The following WDR76 variants were observed in gnomAD, a reference collection of about 807,000 sequenced individuals.
WDR76 encodes WD repeat-containing protein 76.
A neutral mutation model predicts 70.2 loss-of-function variants in WDR76; 52 were observed. The ratio of observed to expected loss-of-function variants is 0.74; its 90% CI spans 0.59 to 0.93. The LOEUF (loss-of-function observed/expected upper bound fraction) is 0.93. WDR76 is among the 40% of genes least tolerant of loss of function. The probability of loss-of-function intolerance (pLI) is 0.00; values close to 1 mark genes in which losing one functional copy is unlikely to be tolerated. For synonymous variants in WDR76, 292 were observed against 271.1 expected, an observed-to-expected ratio of 1.08 and a Z score of -0.76; for missense variants, 756 against 760.2, an observed-to-expected ratio of 0.99 and a Z score of 0.07.
At chr15:43,843,778 A>G in intron 7 of WDR76, 123 bp from the exon 8 acceptor site, 1 of 843,552 alleles carries the variant, frequency 1.2e-6, no homozygotes, top group Non-Finnish European at 1.7e-6. Context: ...CTTGGTTACC[A>G]GGAGATTGAA....
At chr15:43,865,175 A>G (rs1321099800) in intron 12 of WDR76, among the ~76,000 whole-genome samples, 1 of 141,854 alleles carries the variant, frequency 7.0e-6, no homozygotes, top group African/African-American at 2.8e-5. Context: ...GGCTCACTGT[A>G]GCCTCCATCT....
At chr15:43,843,743 A>G (rs2087753575) in intron 7 of WDR76, among the ~76,000 whole-genome samples, 158 bp from the exon 8 acceptor site, 1 of 152,214 alleles carries the variant, frequency 6.6e-6, no homozygotes, top group Non-Finnish European at 1.5e-5. Context: ...TTAAAAAGTG[A>G]AAGAATATTG....
intron 2 of WDR76, among the ~76,000 whole-genome samples, chr15:43,829,356 C>A (rs1021728944): frequency 6.6e-6 from 1 of 152,050 alleles, no homozygotes; most frequent in Non-Finnish European, 1.5e-5. Context: ...AAGGGAGATA[C>A]TATAATTGAA....
At chr15:43,850,898 A>G (rs2087849539) in intron 8 of WDR76, among the ~76,000 whole-genome samples, 189 bp from the exon 9 acceptor site, 1 of 152,238 alleles carries the variant, frequency 6.6e-6, no homozygotes, top group Non-Finnish European at 1.5e-5. Flanking sequence ...ATTGAAAACT[A>G]GAAAAAAGTT....
rs1189893202 is a variant in WDR76, at chr15:43,868,225, G to C, written c.*1833G>C. On this transcript the variant is annotated 3_prime_UTR_variant, in exon 13 of 13. Coordinates refer to ENST00000263795, the MANE Select transcript of WDR76 (RefSeq NM_024908.4). ...TTCAGGAAACATCGTAAAGGCTTTA[G>C]GCTCCCTTTTTCATTTCTATACCAA... 2 of 152,152 alleles carry C rather than the reference G, an allele frequency of 1.3e-5. No individual in the cohort carries two copies. Among genetic ancestry groups the C allele is most frequent in the Non-Finnish European group, 2.9e-5 (2 of 68,016 alleles). The allele number at this position is 152,152 out of a possible 1,614,324, so 9.4% of individuals were successfully genotyped here. A position where few individuals can be genotyped will look rare whatever the true frequency, so the allele number is the denominator to read the frequency against.
At position 43,867,512 on chromosome 15, in the gene WDR76, A is replaced by G. The variant is rs2088088781; in HGVS notation, c.*1120A>G. ...TTTGGTAAAACTTAGTTACATATGCATATATATTTGTTAGGTATATATGTT... is the reference window on the plus strand; with the variant it reads ...TTTGGTAAAACTTAGTTACATATGCGTATATATTTGTTAGGTATATATGTT... On this transcript the variant is annotated 3_prime_UTR_variant, in exon 13 of 13. Transcript: ENST00000263795. 1 of 151,860 alleles carries G rather than the reference A, an allele frequency of 6.6e-6. No homozygotes were observed. Among genetic ancestry groups the G allele is most frequent in the African/African-American group, 2.4e-5 (1 of 41,284 alleles). The allele number at this position is 151,860 out of a possible 1,614,324, so 9.4% of individuals were successfully genotyped here. A position where few individuals can be genotyped will look rare whatever the true frequency, so the allele number is the denominator to read the frequency against.
At chr15:43,833,231 C>G (rs2087612305) in intron 2 of WDR76, among the ~76,000 whole-genome samples, 1 of 151,982 alleles carries the variant, frequency 6.6e-6, no homozygotes, top group Non-Finnish European at 1.5e-5. Flanking sequence ...GTGGTGTCAT[C>G]ATAGCTTACT....
intron 8 of WDR76, among the ~76,000 whole-genome samples, chr15:43,849,545 AT>A (rs539261795): frequency 1.0e-4 from 15 of 148,716 alleles, no homozygotes; most frequent in South Asian, 2.1e-4. Context: ...ATTTGGAATG[AT>A]TTTTTTTTTT....
intron 4 of WDR76, among the ~76,000 whole-genome samples, chr15:43,838,669 C>CT (rs2087687135): frequency 1.3e-5 from 2 of 151,990 alleles, no homozygotes; most frequent in South Asian, 2.1e-4. Context: ...TTATTTCGTT[C>CT]TTTTTTTCTG....
At chr15:43,832,612 A>ATT (rs1287894990) in intron 2 of WDR76, among the ~76,000 whole-genome samples, 4 of 151,420 alleles carry the variant, frequency 2.6e-5, no homozygotes, top group African/African-American at 9.7e-5. Flanking sequence ...TGCCTGGGTA[A>ATT]TTTTTGTATT....
intron 12 of WDR76, among the ~76,000 whole-genome samples, chr15:43,862,910 T>C (rs1488699681): frequency 6.6e-6 from 1 of 151,982 alleles, no homozygotes; most frequent in Non-Finnish European, 1.5e-5. Context: ...CCCAAAGTGC[T>C]GGGATTACAA....
At chr15:43,847,214 A>AT (rs2087800002) in intron 8 of WDR76, among the ~76,000 whole-genome samples, 2 of 152,044 alleles carry the variant, frequency 1.3e-5, no homozygotes, top group South Asian at 4.1e-4. Flanking sequence ...TGAGGTAATA[A>AT]TTTACCTATC....
chr15:43,862,797 C>T (rs1418296827), intron 12 of WDR76, among the ~76,000 whole-genome samples: 1 of 151,964 alleles, frequency 6.6e-6, no homozygotes, highest in African/African-American at 2.4e-5. Flanking sequence ...CGTGAGCCAC[C>T]ACACCCAGCC....
At chr15:43,836,037 A>G (rs112525768) in intron 3 of WDR76, 124 bp from the exon 4 acceptor site, 76 of 770,446 alleles carry the variant, frequency 9.9e-5, no homozygotes, top group Non-Finnish European at 1.4e-4. Context: ...CTCATGGCCT[A>G]TCTTAAGGAT....
intron 6 of WDR76, 42 bp from the exon 7 acceptor site, chr15:43,842,586 A>G (rs560816565): frequency 5.0e-6 from 8 of 1,596,126 alleles, no homozygotes; most frequent in South Asian, 3.4e-5. Flanking sequence ...GTAAAAATAT[A>G]TACATACTAA....
intron 12 of WDR76, 142 bp downstream of exon 12, chr15:43,861,528 A>C: frequency 1.2e-6 from 1 of 825,996 alleles, no homozygotes. Flanking sequence ...CCAGTTTGCT[A>C]GTTCCTATCC....
chr15:43,842,613 C>G lies in WDR76; in HGVS notation c.835-15C>G. Reference sequence around the variant, plus strand: ...ACATACTAACTTAGTTCTTTCATCTCTCCCAATGTTTCAGCCAAGTAGTAA... The same window carrying G: ...ACATACTAACTTAGTTCTTTCATCTGTCCCAATGTTTCAGCCAAGTAGTAA... On this transcript the variant is annotated splice_polypyrimidine_tract_variant and intron_variant, in intron 6 of 12. Transcript: ENST00000263795. 2.5e-6 allele frequency: 4 copies of G among 1,608,710 alleles called. No homozygotes were observed. The highest frequency in any genetic ancestry group is 3.4e-6 in the Non-Finnish European group (4 of 1,178,128).
intron 12 of WDR76, among the ~76,000 whole-genome samples, chr15:43,862,967 G>C (rs373196671): frequency 4.7e-5 from 7 of 148,776 alleles, no homozygotes; most frequent in Non-Finnish European, 9.0e-5. Flanking sequence ...ACAGAGTCTC[G>C]CTCTGTTGTC....
chr15:43,839,612 C>T lies in WDR76; in HGVS notation c.616C>T (p.Pro206Ser), dbSNP rs2141731403. 1.2e-6 allele frequency: 2 copies of T among 1,609,394 alleles called. No individual in the cohort carries two copies. The highest frequency in any genetic ancestry group is 8.5e-7 in the Non-Finnish European group (1 of 1,177,894). The change falls in exon 5 of 13, where the codon CCT becomes TCT. Residue 206 changes from proline to serine, a missense_variant. By Grantham distance (74) the Pro-to-Ser change is moderately conservative. Transcript: ENST00000263795. ...RQPPKSKRKK[P>S]KRENGIGCRR... is the part of the protein sequence containing the mutation. ...TTTTCCCCACTCCTTTAGAAAGAAG[C>T]CTAAGAGAGAAAATGGGATTGGATG...
Sources: allele counts gnomAD v4.1 joint callset (sites outside exome capture counted in the v4.1 genomes callset), GRCh38; gene constraint gnomAD v4.1.1; transcripts MANE v1.5; gene names NCBI Gene and HGNC (gene_info 2026-07-23, HGNC 2026-07-21).